MAN1C1: variants seen among roughly 807,000 people sequenced by gnomAD.
MAN1C1 encodes the protein mannosidase alpha class 1C member 1.
In MAN1C1, 49 loss-of-function variants were observed where a neutral mutation model predicts 71.5. The ratio of observed to expected loss-of-function variants is 0.69; its 90% CI spans 0.54 to 0.87. MAN1C1 has a LOEUF of 0.87. Ranked by LOEUF, MAN1C1 falls within the 40% of genes least tolerant of loss-of-function variation. MAN1C1 has a pLI of 0.00. For synonymous variants in MAN1C1, 352 were observed against 343.7 expected (o/e 1.02, Z -0.27); for missense variants, 743 against 835.0 (o/e 0.89, Z 1.36).
At chr1:25,777,258 C>A (rs1368981121) in intron 8 of MAN1C1, among the ~76,000 whole-genome samples, 1 of 152,188 alleles carries the variant, frequency 6.6e-6, no homozygotes, top group African/African-American at 2.4e-5. Context: ...CCAGAGGACC[C>A]CAGCCATGGG....
chr1:25,717,973 T>G (rs2046705074), intron 2 of MAN1C1, among the ~76,000 whole-genome samples: 2 of 151,618 alleles, frequency 1.3e-5, no homozygotes, highest in Non-Finnish European at 2.9e-5. Context: ...AGTAGATGTG[T>G]GTTGATATCA....
At chr1:25,732,338 C>T (rs2046920480) in intron 2 of MAN1C1, among the ~76,000 whole-genome samples, 1 of 152,172 alleles carries the variant, frequency 6.6e-6, no homozygotes, top group South Asian at 2.1e-4. Flanking sequence ...AATGGAATGG[C>T]ACAGCAGTGA....
intron 2 of MAN1C1, among the ~76,000 whole-genome samples, chr1:25,737,997 A>G (rs2047006296): frequency 1.3e-5 from 2 of 152,158 alleles, no homozygotes; most frequent in African/African-American, 2.4e-5. Context: ...CGCTGTGTCC[A>G]GGAGTTTGAA....
chr1:25,777,019 C>A (rs1469029099), intron 8 of MAN1C1, among the ~76,000 whole-genome samples: 1 of 152,178 alleles, frequency 6.6e-6, no homozygotes. Flanking sequence ...AAATTTGAAC[C>A]TGATGAGTCT....
chr1:25,661,079 TTC>T (rs372348862), intron 1 of MAN1C1, among the ~76,000 whole-genome samples: 21 of 142,596 alleles, frequency 1.5e-4, no homozygotes, highest in African/African-American at 3.4e-4. Flanking sequence ...ACACATGAAA[TTC>T]TGTTTTTTTT....
rs1404904942 is a variant in MAN1C1, at chr1:25,769,517, C to T, written c.1142-2140C>T. Among the ~76,000 whole-genome samples the T allele has an allele frequency of 2.0e-5, 3 of 152,168 alleles. No homozygotes were observed. The highest frequency in any genetic ancestry group is 2.9e-5 in the Non-Finnish European group (2 of 68,018). ...CCTAATGACCTGGCTCCCTCCCCTG[C>T]GTGCCCCTCCAGAGGAAGCCTGGAC... On this transcript the variant is annotated intron_variant, in intron 7 of 11. Transcript: ENST00000374332. This position sits in a 1 kb window ranked among gnomAD's most constrained non-coding sequence, Gnocchi z 4.8.
In MAN1C1 at chr1:25,644,514, A is replaced by T. The variant is rs1449257155; in HGVS notation, c.540+26177A>T. 1.4e-3 allele frequency: 124 copies of T among 88,322 alleles called. 1 individual carries two copies. Among genetic ancestry groups the T allele is most frequent in the African/African-American group, 9.3e-3 (109 of 11,706 alleles). 5.5% of individuals were successfully genotyped at this position (88,322 alleles called of 1,614,324 possible). On this transcript the variant is annotated intron_variant, in intron 1 of 11. Coordinates refer to ENST00000374332, the MANE Select transcript of MAN1C1 (RefSeq NM_020379.4). ...ACCAGAGACATATATATATATATAT[A>T]TATATTTTTTTTTTTTTTTTTTTTT...
At chr1:25,625,645 G>A (rs2045282595) in intron 1 of MAN1C1, among the ~76,000 whole-genome samples, 4 of 152,092 alleles carry the variant, frequency 2.6e-5, no homozygotes, top group African/African-American at 7.2e-5. Context: ...GCAAGACCCT[G>A]TCGCTCTCTC....
chr1:25,712,973 C>G (rs968627239), intron 2 of MAN1C1, among the ~76,000 whole-genome samples: 1 of 152,210 alleles, frequency 6.6e-6, no homozygotes, highest in East Asian at 1.9e-4. Flanking sequence ...TCCCCACTGC[C>G]TCAGATACTA....
At chr1:25,656,125 T>C (rs1397167165) in intron 1 of MAN1C1, among the ~76,000 whole-genome samples, 2 of 135,040 alleles carry the variant, frequency 1.5e-5, no homozygotes, top group Admixed American at 8.0e-5. Context: ...TTTGAGACAG[T>C]CTCACTCTGT....
chr1:25,664,023 GTTC>G (rs1329839165), intron 1 of MAN1C1, among the ~76,000 whole-genome samples: 2 of 152,210 alleles, frequency 1.3e-5, no homozygotes, highest in East Asian at 1.9e-4. Context: ...TTGTGGTAGG[GTTC>G]TTCTTGGTGC....
intron 1 of MAN1C1, among the ~76,000 whole-genome samples, chr1:25,685,256 A>G (rs565507886): frequency 1.3e-5 from 2 of 152,356 alleles, no homozygotes; most frequent in African/African-American, 4.8e-5. Flanking sequence ...TTCACGCCAA[A>G]GTCACAGAGA....
At chr1:25,765,525 G>A (rs541349017) in intron 7 of MAN1C1, among the ~76,000 whole-genome samples, 1 of 149,432 alleles carries the variant, frequency 6.7e-6, no homozygotes, top group East Asian at 1.9e-4. Flanking sequence ...TCTAATGACT[G>A]TGTGGCTTAG....
Position 25,709,002 on chromosome 1 carries a change from C to T in MAN1C1, c.637+22466C>T, listed in dbSNP as rs531815720. Among the ~76,000 whole-genome samples the T allele has an allele frequency of 4.6e-5, 7 of 152,268 alleles. No homozygotes were observed. The South Asian group carries it at 6.2e-4, about 14-fold the overall frequency. On this transcript the variant is annotated intron_variant, in intron 2 of 11. Coordinates refer to ENST00000374332, the MANE Select transcript of MAN1C1 (RefSeq NM_020379.4). ...TTTTCCTGAGCCCAGCCCCAGGGAC[C>T]GCAGGAATCCATACATCTGCAGGGA...
chr1:25,779,325 C>T lies in MAN1C1; in HGVS notation c.1477+1001C>T, dbSNP rs1376066381. Among the ~76,000 whole-genome samples the T allele has an allele frequency of 6.6e-6, 1 of 152,098 alleles. No homozygotes were observed. The highest frequency in any genetic ancestry group is 2.4e-5 in the African/African-American group (1 of 41,414). ...CAGGTCTCAGAGTGAGGCACAGGGT[C>T]CCATGAGAAAGTACCTTGGCAGCCA... On this transcript the variant is annotated intron_variant, in intron 9 of 11. Coordinates refer to ENST00000374332, the MANE Select transcript of MAN1C1 (RefSeq NM_020379.4). The surrounding 1 kb of genome is among the most constrained non-coding windows in gnomAD (Gnocchi z 4.6).
intron 1 of MAN1C1, among the ~76,000 whole-genome samples, chr1:25,629,934 G>A (rs558598266): frequency 3.3e-5 from 5 of 151,888 alleles, no homozygotes; most frequent in Admixed American, 6.6e-5. Flanking sequence ...TATTGCATTC[G>A]CTTTTGGGGT....
At chr1:25,643,623 G>T (rs2124762027) in intron 1 of MAN1C1, among the ~76,000 whole-genome samples, 1 of 143,310 alleles carries the variant, frequency 7.0e-6, no homozygotes, top group Non-Finnish European at 1.5e-5. Flanking sequence ...ATTTGCCTCA[G>T]CTTCCCGAGT....
At chr1:25,651,148 C>G (rs1291562259) in intron 1 of MAN1C1, among the ~76,000 whole-genome samples, 1 of 152,178 alleles carries the variant, frequency 6.6e-6, no homozygotes, top group African/African-American at 2.4e-5. Context: ...ATCCTGAGGA[C>G]CCGGGACGGC....
At position 25,617,979 on chromosome 1, in the gene MAN1C1, C is replaced by T. The variant is rs1391646674; in HGVS notation, c.182C>T (p.Pro61Leu). 1.9e-6 allele frequency: 3 copies of T among 1,608,000 alleles called. No homozygotes were observed. The highest frequency in any genetic ancestry group is 2.7e-5 in the African/African-American group (2 of 74,154). ...RLFLAPRTQQPGLEVVAEIAG... is the reference protein window; with the variant it reads ...RLFLAPRTQQLGLEVVAEIAG... Reference sequence around the variant, plus strand: ...TTCCTGGCCCCCCGGACCCAGCAGCCTGGTCTGGAAGTGGTGGCTGAAATC... The same window carrying T: ...TTCCTGGCCCCCCGGACCCAGCAGCTTGGTCTGGAAGTGGTGGCTGAAATC... Residue 61 changes from proline to leucine, a missense_variant, in exon 1 of 12, where the codon CCT becomes CTT. Coordinates refer to ENST00000374332, the MANE Select transcript of MAN1C1 (RefSeq NM_020379.4). The surrounding 1 kb of genome is among the most constrained non-coding windows in gnomAD (Gnocchi z 5.1).
Sources: allele counts gnomAD v4.1 joint callset (sites outside exome capture counted in the v4.1 genomes callset), GRCh38; gene constraint gnomAD v4.1.1; non-coding constraint Gnocchi (gnomAD v3.1); transcripts MANE v1.5; gene names NCBI Gene and HGNC (gene_info 2026-07-23, HGNC 2026-07-21).